ASCC3: variants seen among roughly 807,000 people sequenced by gnomAD.
The protein encoded by ASCC3 is activating signal cointegrator 1 complex subunit 3.
In ASCC3, 158 loss-of-function variants were observed where a neutral mutation model predicts 256.3. The observed-to-expected ratio is 0.62, with a 90% CI of 0.54 to 0.70. The LOEUF (loss-of-function observed/expected upper bound fraction) is 0.70, where lower values mean the gene tolerates loss of function less well. ASCC3 is among the 30% of genes least tolerant of loss of function. The probability of loss-of-function intolerance (pLI) is 0.00; values close to 1 mark genes in which losing one functional copy is unlikely to be tolerated. For missense variants in ASCC3, 2,259 were observed against 2,626.0 expected (o/e 0.86, Z 3.05); for synonymous variants, 948 against 883.4 (o/e 1.07, Z -1.30).
intron 36 of ASCC3, among the ~76,000 whole-genome samples, chr6:100,543,251 ATAC>A (rs1775551380): frequency 6.6e-6 from 1 of 152,184 alleles, no homozygotes; most frequent in Admixed American, 6.5e-5. Context: ...CATAGTTGTT[ATAC>A]TGTGTTGTTT....
chr6:100,717,476 A>C (rs1033048191), intron 12 of ASCC3, among the ~76,000 whole-genome samples: 2 of 151,990 alleles, frequency 1.3e-5, no homozygotes, highest in South Asian at 4.1e-4. Context: ...TTCATATTAT[A>C]AAATAAGCCT....
chr6:100,698,863 G>GT (rs1186843325), intron 13 of ASCC3, among the ~76,000 whole-genome samples: 1 of 152,024 alleles, frequency 6.6e-6, no homozygotes, highest in Non-Finnish European at 1.5e-5. Context: ...TTTTCTTGAA[G>GT]TTGTTTTGCC....
chr6:100,728,883 C>T (rs989357247), intron 10 of ASCC3, among the ~76,000 whole-genome samples: 29 of 152,094 alleles, frequency 1.9e-4, no homozygotes, highest in Non-Finnish European at 5.9e-5. Flanking sequence ...GGGAAGAAAG[C>T]GCACTTGGTG....
chr6:100,785,282 T>C (rs1582860843), intron 8 of ASCC3, among the ~76,000 whole-genome samples: 1 of 152,218 alleles, frequency 6.6e-6, no homozygotes, highest in Non-Finnish European at 1.5e-5. Flanking sequence ...AGCCAAATTG[T>C]ATTACATATG....
At chr6:100,789,209 T>C (rs943187150) in intron 8 of ASCC3, among the ~76,000 whole-genome samples, 2 of 151,916 alleles carry the variant, frequency 1.3e-5, no homozygotes, top group South Asian at 4.2e-4. Flanking sequence ...TTTAGGGAAG[T>C]AACTTATAAA....
At chr6:100,581,734 T>G (rs1307952933) in intron 36 of ASCC3, among the ~76,000 whole-genome samples, 1 of 152,120 alleles carries the variant, frequency 6.6e-6, no homozygotes, top group Non-Finnish European at 1.5e-5. Context: ...GTTTAAGTCT[T>G]TAATCCATCT....
At chr6:100,525,462 T>C (rs1024602923) in intron 37 of ASCC3, among the ~76,000 whole-genome samples, 1 of 151,938 alleles carries the variant, frequency 6.6e-6, no homozygotes, top group Non-Finnish European at 1.5e-5. Context: ...GAGAAATGAC[T>C]ACTGAATTTA....
chr6:100,601,422 C>T (rs1209156210), intron 34 of ASCC3, among the ~76,000 whole-genome samples: 1 of 151,950 alleles, frequency 6.6e-6, no homozygotes, highest in African/African-American at 2.4e-5. Context: ...TTCTTATTAA[C>T]ACTTATAAAT....
At chr6:100,613,362 T>A (rs1028276160) in intron 30 of ASCC3, among the ~76,000 whole-genome samples, 3 of 152,136 alleles carry the variant, frequency 2.0e-5, no homozygotes, top group Non-Finnish European at 2.9e-5. Flanking sequence ...CATGTATACA[T>A]TTTTTAGCAT....
At chr6:100,763,905 C>A (rs2115123245) in intron 10 of ASCC3, among the ~76,000 whole-genome samples, 1 of 152,336 alleles carries the variant, frequency 6.6e-6, no homozygotes, top group Non-Finnish European at 1.5e-5. Flanking sequence ...CTGCATACTT[C>A]TTACATCCAT....
At chr6:100,689,456 T>G (rs239206) in intron 13 of ASCC3, among the ~76,000 whole-genome samples, 85,210 of 151,980 alleles carry the variant, frequency 0.56, 24,114 homozygotes, top group East Asian at 0.73. Context: ...CCTACTTTCT[T>G]TCCATCAAGT....
intron 36 of ASCC3, among the ~76,000 whole-genome samples, chr6:100,588,612 T>C (rs923235357): frequency 6.6e-6 from 1 of 152,178 alleles, no homozygotes; most frequent in Non-Finnish European, 1.5e-5. Context: ...AATAGAAAAC[T>C]GATTATTACA....
intron 10 of ASCC3, among the ~76,000 whole-genome samples, chr6:100,746,713 G>C (rs1780697890): frequency 6.6e-6 from 1 of 152,118 alleles, no homozygotes. Context: ...GGATTCATAT[G>C]GAAATGAGAA....
At chr6:100,655,037 T>A (rs77596665) in intron 17 of ASCC3, among the ~76,000 whole-genome samples, 2,235 of 152,064 alleles carry the variant, frequency 0.015, 41 homozygotes, top group African/African-American at 0.051. Flanking sequence ...TGTAGAATAA[T>A]GTTTTCATTA....
intron 4 of ASCC3, among the ~76,000 whole-genome samples, chr6:100,827,190 G>T (rs1198843540): frequency 2.6e-5 from 4 of 152,076 alleles, no homozygotes; most frequent in African/African-American, 9.7e-5. Context: ...TTTACACTGG[G>T]GTTCACATTT....
At chr6:100,825,314 G>A (rs1312535957) in intron 4 of ASCC3, among the ~76,000 whole-genome samples, 2 of 148,448 alleles carry the variant, frequency 1.3e-5, no homozygotes, top group Non-Finnish European at 3.0e-5. Flanking sequence ...TAAAAAAGCA[G>A]ATAATGTCAA....
chr6:100,750,264 C>T (rs1350943525), intron 10 of ASCC3, among the ~76,000 whole-genome samples: 3 of 151,874 alleles, frequency 2.0e-5, no homozygotes, highest in Non-Finnish European at 4.4e-5. Context: ...AATAAAATAA[C>T]CTTAAAAATT....
At chr6:100,714,032 G>A (rs1175900503) in intron 13 of ASCC3, among the ~76,000 whole-genome samples, 2 of 152,050 alleles carry the variant, frequency 1.3e-5, no homozygotes, top group African/African-American at 4.8e-5. Flanking sequence ...AAAACCTCAC[G>A]AGGCAATCCA....
intron 11 of ASCC3, 105 bp downstream of exon 11, chr6:100,725,434 A>G: frequency 8.2e-7 from 1 of 1,226,568 alleles, no homozygotes; most frequent in South Asian, 1.3e-5. Flanking sequence ...TTATGTCAAT[A>G]TTAGATTTAG....
Sources: gnomAD v4.1 joint callset for allele counts (sites outside exome capture counted in the v4.1 genomes callset) on GRCh38, gnomAD v4.1.1 for gene constraint, MANE v1.5 for transcripts, NCBI Gene and HGNC (gene_info 2026-07-23, HGNC 2026-07-21) for gene names.